C17orf75: variants seen among roughly 807,000 people sequenced by gnomAD.
C17orf75 encodes protein Njmu-R1.
Under a neutral mutation model 49.6 loss-of-function variants are expected in C17orf75, and 32 were observed. That is an observed-to-expected ratio of 0.65 (90% CI 0.49 to 0.87). The LOEUF is 0.87. C17orf75 is among the 40% of genes least tolerant of loss of function. C17orf75 has a pLI of 0.00. For missense variants in C17orf75, 428 were observed against 473.9 expected (o/e 0.90, Z 0.90); for synonymous variants, 158 against 159.5 (o/e 0.99, Z 0.07).
At position 32,331,006 on chromosome 17, in the gene C17orf75, T is replaced by A. The variant is rs1223571064; in HGVS notation, c.*757A>T. Reference sequence around the variant, plus strand: ...CTGGGACTACAGGCGCCCGCCACCATGCCCGGCTAATTTTTTGTATTTTAG... The same window carrying A: ...CTGGGACTACAGGCGCCCGCCACCAAGCCCGGCTAATTTTTTGTATTTTAG... On this transcript the variant is annotated 3_prime_UTR_variant, in exon 10 of 10. Transcript: ENST00000577809. The A allele has an allele frequency of 2.6e-5, 4 of 152,328 alleles. No homozygotes were observed. Among genetic ancestry groups the A allele is most frequent in the Non-Finnish European group, 5.9e-5 (4 of 68,192 alleles). 9.4% of individuals were successfully genotyped at this position (152,328 alleles called of 1,614,324 possible).
At chr17:32,346,231 A>G (rs559095983), upstream of C17orf75, among the ~76,000 whole-genome samples, 3 of 152,036 alleles carry the variant, frequency 2.0e-5, no homozygotes, top group South Asian at 6.2e-4. Flanking sequence ...ACCAGCCTGG[A>G]CAACAAAGCG....
chr17:32,342,346 C>G, upstream of C17orf75: 1 of 700,908 alleles, frequency 1.4e-6, no homozygotes, highest in Non-Finnish European at 2.1e-6. Flanking sequence ...CCTTTACTGA[C>G]AAGCTTTTAC....
chr17:32,340,527 C>A (rs1388137626), intron 2 of C17orf75, among the ~76,000 whole-genome samples: 1 of 151,636 alleles, frequency 6.6e-6, no homozygotes, highest in Admixed American at 6.6e-5. Flanking sequence ...TGCCTGTAGT[C>A]CTAGCTACTC....
upstream of C17orf75, among the ~76,000 whole-genome samples, chr17:32,343,220 T>C (rs2041397183): frequency 6.6e-6 from 1 of 152,116 alleles, no homozygotes. Context: ...AGCACCTCCA[T>C]GTCAACTTCC....
At chr17:32,349,552 G>A (rs1193974510) in intron 1 of C17orf75, among the ~76,000 whole-genome samples, 1 of 151,824 alleles carries the variant, frequency 6.6e-6, no homozygotes, top group African/African-American at 2.4e-5. Context: ...CTGCACTCCA[G>A]CCTGGGAGAC....
At chr17:32,343,933 G>A (rs2041404737), upstream of C17orf75, 5 of 683,356 alleles carry the variant, frequency 7.3e-6, no homozygotes, top group Admixed American at 4.1e-5. Flanking sequence ...GGCAAAACTA[G>A]GTTACAAGGC....
In C17orf75 at chr17:32,328,784, G is replaced by A. The variant is rs891583521; in HGVS notation, c.*2979C>T. 6.6e-6 allele frequency: 1 copy of A among 152,166 alleles called. No individual in the cohort carries two copies. Among genetic ancestry groups the A allele is most frequent in the African/African-American group, 2.4e-5 (1 of 41,422 alleles). 9.4% of individuals were successfully genotyped at this position (152,166 alleles called of 1,614,324 possible). On this transcript the variant is annotated 3_prime_UTR_variant, in exon 10 of 10. Transcript: ENST00000577809. ...ACATGCCTGTAGTCCCAGCTACTGGGGAGGCTGAGGAAGGAGAATCACTTG... is the reference window on the plus strand; with the variant it reads ...ACATGCCTGTAGTCCCAGCTACTGGAGAGGCTGAGGAAGGAGAATCACTTG...
At chr17:32,338,022 T>C (rs181977161) in intron 4 of C17orf75, 68 bp from the exon 5 acceptor site, 42 of 1,532,648 alleles carry the variant, frequency 2.7e-5, no homozygotes, top group Middle Eastern at 3.4e-4. Context: ...ACAAGAAATA[T>C]AAAATCTCTC....
upstream of C17orf75, among the ~76,000 whole-genome samples, chr17:32,342,665 G>C (rs1287696936): frequency 6.6e-6 from 1 of 152,234 alleles, no homozygotes; most frequent in East Asian, 1.9e-4. Flanking sequence ...GCCGGGCACG[G>C]TGGCTCACGC....
chr17:32,336,518 T>C (rs1039552471), intron 5 of C17orf75, among the ~76,000 whole-genome samples: 2 of 152,174 alleles, frequency 1.3e-5, no homozygotes, highest in African/African-American at 4.8e-5. Flanking sequence ...CCAGCCAGTT[T>C]TTCAAAGGTT....
chr17:32,337,494 C>A (rs2041337101), intron 5 of C17orf75, among the ~76,000 whole-genome samples: 1 of 152,068 alleles, frequency 6.6e-6, no homozygotes, highest in Non-Finnish European at 1.5e-5. Flanking sequence ...TCTACTAGCT[C>A]ACAAGGTGGC....
At chr17:32,341,165 TGAAA>T (rs1485434778) in intron 2 of C17orf75, 35 bp downstream of exon 2, 19 of 1,599,324 alleles carry the variant, frequency 1.2e-5, no homozygotes, top group Non-Finnish European at 1.5e-5. Context: ...GCAGGGAAGA[TGAAA>T]GCACATGCAT....
upstream of C17orf75, among the ~76,000 whole-genome samples, chr17:32,346,057 G>C (rs538770327): frequency 6.6e-6 from 1 of 151,986 alleles, no homozygotes; most frequent in South Asian, 2.1e-4. Flanking sequence ...AGTTCATTCT[G>C]GTGTCTCCAG....
At chr17:32,332,768 AAAAC>A (rs748360358) in intron 9 of C17orf75, among the ~76,000 whole-genome samples, 26 of 152,264 alleles carry the variant, frequency 1.7e-4, no homozygotes, top group East Asian at 1.5e-3. Context: ...TCTGTCTCTT[AAAAC>A]AAACAAACAA....
intron 9 of C17orf75, 96 bp downstream of exon 9, chr17:32,333,321 T>C: frequency 1.2e-6 from 1 of 833,238 alleles, no homozygotes; most frequent in Non-Finnish European, 2.0e-6. Context: ...TTAACAGACA[T>C]CACAGCTATA....
chr17:32,344,872 A>C (rs934355742), upstream of C17orf75, among the ~76,000 whole-genome samples: 2 of 151,102 alleles, frequency 1.3e-5, no homozygotes, highest in Non-Finnish European at 3.0e-5. Context: ...ATGCCACTGC[A>C]CTCCAGCCTG....
Position 32,334,824 on chromosome 17 carries a change from G to C in C17orf75, c.685C>G (p.Pro229Ala), listed in dbSNP as rs1460176427. ...FLLHAALSYT[P>A]VEVKESDEKT... ...TCATCTGATTCTTTAACTTCAACAG[G>C]AGTGTAACTCAAAGCCTATGAGAGA... The change falls in exon 7 of 10, where the codon CCT becomes GCT. Residue 229 changes from proline to alanine, a missense_variant. Coordinates refer to ENST00000577809, the MANE Select transcript of C17orf75 (RefSeq NM_022344.4). 6.2e-7 allele frequency: 1 copy of C among 1,610,100 alleles called. No homozygotes were observed. The highest frequency in any genetic ancestry group is 1.1e-5 in the South Asian group (1 of 90,476).
rs1201529896 is a variant in C17orf75 at position 32,330,510 on chromosome 17, G to A, written c.*1253C>T. On this transcript the variant is annotated 3_prime_UTR_variant, in exon 10 of 10. Coordinates refer to ENST00000577809, the MANE Select transcript of C17orf75 (RefSeq NM_022344.4). ...TGAATTTATTAAAGAGCTATCCCGAGCAAATTGCAATTGTATGTATGTAGC... is the reference window on the plus strand; with the variant it reads ...TGAATTTATTAAAGAGCTATCCCGAACAAATTGCAATTGTATGTATGTAGC... The A allele has an allele frequency of 1.3e-5, 2 of 152,176 alleles. No individual in the cohort carries two copies. Among genetic ancestry groups the A allele is most frequent in the East Asian group, 3.8e-4 (2 of 5,202 alleles). The allele number at this position is 152,176 out of a possible 1,614,324, so 9.4% of individuals were successfully genotyped here.
At position 32,341,270 on chromosome 17, in the gene C17orf75, C is replaced by T. The variant is rs369651065; in HGVS notation, c.155G>A (p.Arg52Gln). ...TGGGCTTCCGTCCTCACTGTCCCCT[C>T]GTTGCTGTGCCAATCTACAAGCCAC... ...SYRGSRLAQQ[R>Q]GDSEDGSPSG... is the part of the protein sequence containing the mutation. Residue 52 changes from arginine to glutamine, a missense_variant, in exon 2 of 10, where the codon CGA (arginine) becomes CAA (glutamine). By Grantham distance (43) the Arg-to-Gln change is conservative. Coordinates refer to ENST00000577809, the MANE Select transcript of C17orf75 (RefSeq NM_022344.4). 8.7e-5 allele frequency: 140 copies of T among 1,613,822 alleles called. No homozygotes were observed. The highest frequency in any genetic ancestry group is 3.0e-5 in the Non-Finnish European group (35 of 1,179,902).
Sources: gnomAD v4.1 joint callset for allele counts (sites outside exome capture counted in the v4.1 genomes callset) on GRCh38, gnomAD v4.1.1 for gene constraint, MANE v1.5 for transcripts, NCBI Gene and HGNC (gene_info 2026-07-23, HGNC 2026-07-21) for gene names.